INPP5A: variants seen among roughly 807,000 people sequenced by gnomAD.
INPP5A encodes 43 kDa inositol polyphosphate 5-phophatase.
A neutral mutation model predicts 65.2 loss-of-function variants in INPP5A; 14 were observed. The ratio of observed to expected loss-of-function variants is 0.21; its 90% CI spans 0.14 to 0.34. INPP5A has a LOEUF of 0.34. INPP5A is among the 10% of genes least tolerant of loss of function. The probability of loss-of-function intolerance (pLI) is 1.00; values close to 1 mark genes in which losing one functional copy is unlikely to be tolerated. For synonymous variants in INPP5A, 207 were observed against 208.3 expected, an observed-to-expected ratio of 0.99 and a Z score of 0.05; for missense variants, 431 against 545.6, an observed-to-expected ratio of 0.79 and a Z score of 2.09.
chr10:132,600,012 G>T (rs779237601), intron 1 of INPP5A, among the ~76,000 whole-genome samples: 10 of 152,210 alleles, frequency 6.6e-5, no homozygotes, highest in Non-Finnish European at 8.8e-5. Flanking sequence ...CTGGGCCTGT[G>T]GTGGGAGGTG....
At chr10:132,679,672 A>T (rs1336984293) in intron 4 of INPP5A, among the ~76,000 whole-genome samples, 1 of 152,258 alleles carries the variant, frequency 6.6e-6, no homozygotes, top group Non-Finnish European at 1.5e-5. Flanking sequence ...GATTATATTT[A>T]AAAATTAAAA....
At chr10:132,634,794 C>T (rs753586942) in intron 2 of INPP5A, among the ~76,000 whole-genome samples, 14 of 152,402 alleles carry the variant, frequency 9.2e-5, no homozygotes, top group South Asian at 4.1e-4. Context: ...CTGCGGCTCA[C>T]GGTGGCCCTC....
chr10:132,591,065 G>C (rs975303573), intron 1 of INPP5A, among the ~76,000 whole-genome samples: 3 of 152,172 alleles, frequency 2.0e-5, no homozygotes, highest in African/African-American at 7.2e-5. Flanking sequence ...ACGCCATTTG[G>C]GGATCTTCTG....
intron 4 of INPP5A, among the ~76,000 whole-genome samples, chr10:132,666,586 C>G (rs954528802): frequency 1.3e-5 from 2 of 152,242 alleles, no homozygotes; most frequent in African/African-American, 2.4e-5. Flanking sequence ...CAGTGGGGCT[C>G]TCTTTCCTTC....
intron 2 of INPP5A, among the ~76,000 whole-genome samples, chr10:132,623,332 C>G (rs2072131820): frequency 6.6e-6 from 1 of 151,602 alleles, no homozygotes; most frequent in Non-Finnish European, 1.5e-5. Context: ...AGATTAAGAA[C>G]TAGACTCACA....
At chr10:132,689,011 T>C (rs1192334881) in intron 4 of INPP5A, among the ~76,000 whole-genome samples, 2 of 151,888 alleles carry the variant, frequency 1.3e-5, no homozygotes, top group South Asian at 2.1e-4. Context: ...CTGTGAGTGC[T>C]TGTGCGTGAG....
At chr10:132,721,112 C>CA (rs1319466809) in intron 8 of INPP5A, among the ~76,000 whole-genome samples, 1 of 148,052 alleles carries the variant, frequency 6.8e-6, no homozygotes, top group African/African-American at 2.5e-5. Flanking sequence ...GAGCCTTAGA[C>CA]GACTGTCTTC....
At chr10:132,744,629 T>G (rs999412657) in intron 9 of INPP5A, among the ~76,000 whole-genome samples, 7 of 152,226 alleles carry the variant, frequency 4.6e-5, no homozygotes, top group African/African-American at 1.7e-4. Context: ...CCTTAGTAGC[T>G]GCCTGTGGTG....
chr10:132,730,831 AG>A (rs1466591565), intron 9 of INPP5A, among the ~76,000 whole-genome samples: 33 of 152,180 alleles, frequency 2.2e-4, no homozygotes, highest in Non-Finnish European at 4.4e-4. Flanking sequence ...CCAGGACATG[AG>A]GCTAACAAGC....
chr10:132,749,317 C>G (rs1846428387), intron 9 of INPP5A, among the ~76,000 whole-genome samples, 200 bp from the exon 10 acceptor site: 1 of 149,598 alleles, frequency 6.7e-6, no homozygotes, highest in Non-Finnish European at 1.5e-5. Context: ...TGTTGGGGAG[C>G]AGCCAGCCTC....
intron 8 of INPP5A, among the ~76,000 whole-genome samples, chr10:132,711,229 G>A (rs893445107): frequency 7.2e-5 from 11 of 152,138 alleles, no homozygotes; most frequent in African/African-American, 2.4e-4. Context: ...CTGCTCCACC[G>A]GTGATACTGT....
intron 10 of INPP5A, 53 bp from the exon 11 acceptor site, chr10:132,749,718 C>A: frequency 6.3e-7 from 1 of 1,595,314 alleles, no homozygotes; most frequent in Admixed American, 1.7e-5. Context: ...GGCTAGGGGA[C>A]ACGCACAAGG....
Position 132,580,839 on chromosome 10 carries a change from C to T in INPP5A, c.76-27076C>T, listed in dbSNP as rs537355127. ...AAATTGCTGACATCAGCATACTTCC[C>T]CCAAATGCTTCTGTGTGAATATCAC... On this transcript the variant is annotated intron_variant, in intron 1 of 15. Coordinates refer to ENST00000368594, the MANE Select transcript of INPP5A (RefSeq NM_005539.5). Among the ~76,000 whole-genome samples the T allele has an allele frequency of 6.0e-4, 91 of 152,312 alleles. 1 individual carries two copies. The highest frequency in any genetic ancestry group is 8.5e-4 in the Admixed American group (13 of 15,300).
intron 11 of INPP5A, among the ~76,000 whole-genome samples, chr10:132,757,416 C>T (rs1231728559): frequency 6.6e-6 from 1 of 152,230 alleles, no homozygotes; most frequent in Non-Finnish European, 1.5e-5. Flanking sequence ...TGTTCAGATG[C>T]GCAGGTACTT....
intron 2 of INPP5A, among the ~76,000 whole-genome samples, chr10:132,639,214 T>C (rs1392590556): frequency 2.0e-5 from 3 of 152,130 alleles, no homozygotes; most frequent in African/African-American, 7.2e-5. Flanking sequence ...GACCTGCTGG[T>C]GGAACATTTG....
chr10:132,567,790 C>T (rs1226622018), intron 1 of INPP5A, among the ~76,000 whole-genome samples: 2 of 152,112 alleles, frequency 1.3e-5, no homozygotes, highest in Admixed American at 6.5e-5. Context: ...ACATATAAAG[C>T]TTATTCAGAA....
At chr10:132,755,073 GATC>G (rs899041843) in intron 11 of INPP5A, among the ~76,000 whole-genome samples, 60 of 152,264 alleles carry the variant, frequency 3.9e-4, no homozygotes, top group African/African-American at 1.2e-3. Flanking sequence ...GCGTGTGTGT[GATC>G]ATATGTGCAT....
intron 5 of INPP5A, among the ~76,000 whole-genome samples, chr10:132,694,351 A>G (rs1845313984): frequency 6.6e-6 from 1 of 152,232 alleles, no homozygotes; most frequent in South Asian, 2.1e-4. Flanking sequence ...ACAGCTTAAC[A>G]TTCATGGGAT....
At chr10:132,598,402 T>C (rs1161105627) in intron 1 of INPP5A, among the ~76,000 whole-genome samples, 1 of 152,270 alleles carries the variant, frequency 6.6e-6, no homozygotes, top group African/African-American at 2.4e-5. Flanking sequence ...ACTGAGTCCC[T>C]GTCTGCCCCC....
Sources: gnomAD v4.1 joint callset for allele counts (sites outside exome capture counted in the v4.1 genomes callset) on GRCh38, gnomAD v4.1.1 for gene constraint, MANE v1.5 for transcripts, NCBI Gene and HGNC (gene_info 2026-07-23, HGNC 2026-07-21) for gene names.